ZNF462: variants seen among roughly 807,000 people sequenced by gnomAD.
The protein encoded by ZNF462 is zinc finger PBX1-interacting protein.
Under a neutral mutation model 201.9 loss-of-function variants are expected in ZNF462, and 10 were observed. The ratio of observed to expected loss-of-function variants is 0.05; its 90% confidence interval spans 0.03 to 0.08. The LOEUF (loss-of-function observed/expected upper bound fraction) is 0.08, where lower values mean the gene tolerates loss of function less well. Among genes scored for constraint, ZNF462 ranks in the 10% least tolerant of loss-of-function variants. The probability of loss-of-function intolerance (pLI) is 1.00; values close to 1 mark genes in which losing one functional copy is unlikely to be tolerated. For missense variants in ZNF462, 2,523 were observed against 3,168.3 expected, an observed-to-expected ratio of 0.80 and a Z score of 4.89; for synonymous variants, 1,227 against 1,193.3, an observed-to-expected ratio of 1.03 and a Z score of -0.58.
chr9:106,996,510 C>G (rs1476081324), intron 10 of ZNF462, among the ~76,000 whole-genome samples: 2 of 152,156 alleles, frequency 1.3e-5, no homozygotes, highest in Admixed American at 6.5e-5. Context: ...GCCATTCTAA[C>G]TGGTGTGAGA....
chr9:106,869,471 A>T (rs1827493748), intron 1 of ZNF462, among the ~76,000 whole-genome samples: 1 of 152,224 alleles, frequency 6.6e-6, no homozygotes, highest in Non-Finnish European at 1.5e-5. Context: ...CTCTTCTTGG[A>T]TGAGCAAAAG....
At chr9:106,863,890 G>T (rs2130741244) in intron 1 of ZNF462, among the ~76,000 whole-genome samples, 1 of 152,156 alleles carries the variant, frequency 6.6e-6, no homozygotes, top group South Asian at 2.1e-4. Flanking sequence ...GTCAGAGGAG[G>T]GAGAGCTCCG....
At position 107,010,072 on chromosome 9, in the gene ZNF462, C is replaced by G. The variant is rs1317377560; in HGVS notation, c.7313+404C>G. ...GAGTGGCCCTGAACATTCCCATGTA[C>G]TGCCTCGGGGACAGAGCCAGCTTCT... is the stretch of plus-strand genomic sequence containing the variant. On this transcript the variant is annotated intron_variant, in intron 12 of 12. Transcript: ENST00000277225. This position sits in a 1 kb window ranked among gnomAD's most constrained non-coding sequence, Gnocchi z 4.6. Among the ~76,000 whole-genome samples the G allele has an allele frequency of 6.6e-6, 1 of 152,164 alleles. No homozygotes were observed. The highest frequency in any genetic ancestry group is 1.9e-4 in the East Asian group (1 of 5,186).
In ZNF462 at chr9:106,938,135, T is replaced by A. The variant is rs1035230946; in HGVS notation, c.6236-781T>A. ...ATCACACTTTAACTTAATTTGGTCA[T>A]GGTGATCTGTGTTGTATTTCAGTGG... is the stretch of plus-strand genomic sequence containing the variant. On this transcript the variant is annotated intron_variant, in intron 6 of 12. Transcript: ENST00000277225. The surrounding 1 kb of genome is among the most constrained non-coding windows in gnomAD (Gnocchi z 4.4). 6.6e-6 allele frequency among the ~76,000 whole-genome samples: 1 copy of A among 152,192 alleles called. No homozygotes were observed. The highest frequency in any genetic ancestry group is 2.4e-5 in the African/African-American group (1 of 41,448).
Position 106,924,764 on chromosome 9 carries a change from T to C in ZNF462, c.852T>C (p.Asn284=), listed in dbSNP as rs146701673. The C allele has an allele frequency of 6.2e-7, 1 of 1,614,062 alleles. No individual in the cohort carries two copies. Among genetic ancestry groups the C allele is most frequent in the African/African-American group, 1.3e-5 (1 of 74,980 alleles). The change falls in exon 3 of 13, where the codon AAT becomes AAC. Residue 284 remains asparagine (N), a synonymous_variant. Coordinates refer to ENST00000277225, the MANE Select transcript of ZNF462 (RefSeq NM_021224.6). The surrounding 1 kb of genome is among the most constrained non-coding windows in gnomAD (Gnocchi z 6.2). ...TCAGACAGCAACAAGAAGGAACTAA[T>C]CTACCTGATGTGCCGAACAAGAGTG... The part of the protein sequence containing the change: ...SSLRQQQEGT[N]LPDVPNKSAP...
In ZNF462 at chr9:106,901,101, T is replaced by C. The variant is rs1401349325; in HGVS notation, c.-30-22253T>C. ...TGATCCAGTTTCATTCTCCTACAAG[T>C]GGCTAACCAGTTATCCCAGTAATTG... On this transcript the variant is annotated intron_variant, in intron 1 of 12. Coordinates refer to ENST00000277225, the MANE Select transcript of ZNF462 (RefSeq NM_021224.6). Among the ~76,000 whole-genome samples, 6 of 152,312 alleles carry C rather than the reference T, an allele frequency of 3.9e-5. No homozygotes were observed. In the South Asian group the frequency reaches 8.3e-4, roughly 21 times the overall value.
Position 106,935,096 on chromosome 9 carries a change from T to C in ZNF462, c.6117-407T>C, listed in dbSNP as rs1022077549. 6.6e-6 allele frequency among the ~76,000 whole-genome samples: 1 copy of C among 152,336 alleles called. No homozygotes were observed. The highest frequency in any genetic ancestry group is 1.5e-5 in the Non-Finnish European group (1 of 68,026). On this transcript the variant is annotated intron_variant, in intron 5 of 12. Transcript: ENST00000277225. This position sits in a 1 kb window ranked among gnomAD's most constrained non-coding sequence, Gnocchi z 4.1. ...CTTTTCAAATGCTAAATTTCTCTAATTCCCATTCTGTTATTTGAATAAGTT... is the reference window on the plus strand; with the variant it reads ...CTTTTCAAATGCTAAATTTCTCTAACTCCCATTCTGTTATTTGAATAAGTT...
At chr9:106,944,306 C>G (rs1215764859) in intron 7 of ZNF462, among the ~76,000 whole-genome samples, 1 of 152,170 alleles carries the variant, frequency 6.6e-6, no homozygotes, top group African/African-American at 2.4e-5. Context: ...ATGAGTAGAG[C>G]TTTCTATTCT....
chr9:106,954,350 C>T lies in ZNF462; in HGVS notation c.6427+15243C>T, dbSNP rs1029080723. On this transcript the variant is annotated intron_variant, in intron 7 of 12. Coordinates refer to ENST00000277225, the MANE Select transcript of ZNF462 (RefSeq NM_021224.6). This position sits in a 1 kb window ranked among gnomAD's most constrained non-coding sequence, Gnocchi z 4.0. ...GTGCCATACTTCTAAACCATCAGAT[C>T]TTGTGATAACTCACTTACTGTCACA... 2.6e-5 allele frequency among the ~76,000 whole-genome samples: 4 copies of T among 151,954 alleles called. No homozygotes were observed. The highest frequency in any genetic ancestry group is 5.9e-5 in the Non-Finnish European group (4 of 67,988).
Position 106,970,999 on chromosome 9 carries a change from A to G in ZNF462, c.6428-1006A>G, listed in dbSNP as rs1348573470. ...AAACTTTAAAATACCTTTCAGGGAAACTTGTTTGGAATTTCATTTTAATGG... is the reference window on the plus strand; with the variant it reads ...AAACTTTAAAATACCTTTCAGGGAAGCTTGTTTGGAATTTCATTTTAATGG... On this transcript the variant is annotated intron_variant, in intron 7 of 12. Transcript: ENST00000277225. This position sits in a 1 kb window ranked among gnomAD's most constrained non-coding sequence, Gnocchi z 4.2. Among the ~76,000 whole-genome samples the G allele has an allele frequency of 6.6e-6, 1 of 152,034 alleles. No homozygotes were observed. Among genetic ancestry groups the G allele is most frequent in the African/African-American group, 2.4e-5 (1 of 41,384 alleles).
rs1588087218 is a variant in ZNF462, at chr9:106,938,330, G to A, written c.6236-586G>A. 1.3e-5 allele frequency among the ~76,000 whole-genome samples: 2 copies of A among 152,224 alleles called. No homozygotes were observed. Among genetic ancestry groups the A allele is most frequent in the Middle Eastern group, 3.4e-3 (1 of 294 alleles). On this transcript the variant is annotated intron_variant, in intron 6 of 12. Coordinates refer to ENST00000277225, the MANE Select transcript of ZNF462 (RefSeq NM_021224.6). This position sits in a 1 kb window ranked among gnomAD's most constrained non-coding sequence, Gnocchi z 4.4. ...TTACCCATTTCTGTGCTATTGACTA[G>A]ATAAGGAAATGGAGTTCTATGCTGA...
intron 1 of ZNF462, among the ~76,000 whole-genome samples, chr9:106,922,341 G>A (rs868130589): frequency 6.6e-6 from 1 of 152,120 alleles, no homozygotes; most frequent in African/African-American, 2.4e-5. Flanking sequence ...CTTCTTGATG[G>A]TGGGACTCTC....
In ZNF462 at chr9:106,928,900, A is replaced by G; in HGVS notation, c.4988A>G (p.Gln1663Arg). Residue 1663 changes from glutamine to arginine, a missense_variant, in exon 3 of 13, where the codon CAG (glutamine) becomes CGG (arginine). Gln to Arg is a conservative substitution (Grantham distance 43). Transcript: ENST00000277225. The surrounding 1 kb of genome is among the most constrained non-coding windows in gnomAD (Gnocchi z 9.3). ...HLVSHTVFRC[Q>R]LCKYFCSTRK... ...GTCTCCCACACTGTGTTCCGGTGCCAGCTCTGCAAGTACTTCTGCTCCACG... is the reference window on the plus strand; with the variant it reads ...GTCTCCCACACTGTGTTCCGGTGCCGGCTCTGCAAGTACTTCTGCTCCACG... The G allele has an allele frequency of 6.2e-7, 1 of 1,613,994 alleles. No individual in the cohort carries two copies. Among genetic ancestry groups the G allele is most frequent in the Non-Finnish European group, 8.5e-7 (1 of 1,180,034 alleles).
At chr9:106,967,310 A>G (rs1832118966) in intron 7 of ZNF462, among the ~76,000 whole-genome samples, 1 of 152,076 alleles carries the variant, frequency 6.6e-6, no homozygotes, top group Non-Finnish European at 1.5e-5. Context: ...GCACAATGTT[A>G]ACTAAATGTT....
At chr9:106,943,944 C>T (rs749149911) in intron 7 of ZNF462, among the ~76,000 whole-genome samples, 33 of 152,106 alleles carry the variant, frequency 2.2e-4, no homozygotes, top group Non-Finnish European at 4.0e-4. Flanking sequence ...TTCTCTGACA[C>T]AATTACTCTG....
At chr9:106,937,450 C>G (rs1278103855) in intron 6 of ZNF462, among the ~76,000 whole-genome samples, 1 of 152,080 alleles carries the variant, frequency 6.6e-6, no homozygotes, top group African/African-American at 2.4e-5. Context: ...TAGACCACAC[C>G]TCTGTTCATT....
intron 1 of ZNF462, among the ~76,000 whole-genome samples, chr9:106,863,862 CAG>C (rs1401425235): frequency 6.6e-6 from 1 of 151,732 alleles, no homozygotes; most frequent in Non-Finnish European, 1.5e-5. Context: ...AGCCGAGAGC[CAG>C]AGGGAGCGAG....
intron 1 of ZNF462, among the ~76,000 whole-genome samples, chr9:106,911,456 C>G (rs771763268): frequency 2.1e-4 from 32 of 152,080 alleles, no homozygotes; most frequent in Non-Finnish European, 3.7e-4. Flanking sequence ...CTTGCTTGGG[C>G]CTCAGAATCA....
chr9:106,974,297 T>C lies in ZNF462; in HGVS notation c.6832+24T>C. Reference sequence around the variant, plus strand: ...AGGTAACCTTTCTAACTTGGTTTTCTTGGATGCAGCGGGGGGCAGGCAGCA... The same window carrying C: ...AGGTAACCTTTCTAACTTGGTTTTCCTGGATGCAGCGGGGGGCAGGCAGCA... On this transcript the variant is annotated intron_variant, in intron 9 of 12. Transcript: ENST00000277225. This position sits in a 1 kb window ranked among gnomAD's most constrained non-coding sequence, Gnocchi z 4.0. 2.5e-6 allele frequency: 4 copies of C among 1,614,034 alleles called. No homozygotes were observed. The highest frequency in any genetic ancestry group is 2.5e-6 in the Non-Finnish European group (3 of 1,179,914).
Sources: gnomAD v4.1 joint callset for allele counts (sites outside exome capture counted in the v4.1 genomes callset) on GRCh38, gnomAD v4.1.1 for gene constraint, Gnocchi (gnomAD v3.1) non-coding constraint, MANE v1.5 for transcripts, NCBI Gene and HGNC (gene_info 2026-07-23, HGNC 2026-07-21) for gene names.